Variants in CATSPERE observed in about 807,000 individuals in gnomAD.
CATSPERE encodes the protein cation channel sperm-associated auxiliary subunit epsilon.
Under a neutral mutation model 114.1 loss-of-function variants are expected in CATSPERE, and 93 were observed. The ratio of observed to expected loss-of-function variants is 0.81; its 90% CI spans 0.69 to 0.97. CATSPERE has a LOEUF of 0.97. Ranked by LOEUF, CATSPERE falls within the 50% of genes least tolerant of loss-of-function variation. CATSPERE has a pLI of 0.00. For synonymous variants in CATSPERE, 341 were observed against 384.1 expected, an observed-to-expected ratio of 0.89 and a Z score of 1.31; for missense variants, 1,058 against 1,131.6, an observed-to-expected ratio of 0.93 and a Z score of 0.93.
In CATSPERE at chr1:244,552,749, C is replaced by T; in HGVS notation, c.964C>T (p.Leu322Phe). 6.2e-7 allele frequency: 1 copy of T among 1,612,078 alleles called. No individual in the cohort carries two copies. The highest frequency in any genetic ancestry group is 8.5e-7 in the Non-Finnish European group (1 of 1,179,292). ...TATAAGACTGGGAGGAATTGTAAAT[C>T]TTCCTGATGGTGGAATTACTGGCAT... ...GFIRLGGIVN[L>F]PDGGITGISS... The change falls in exon 9 of 22, where the codon CTT (leucine) becomes TTT (phenylalanine). Residue 322 changes from leucine (L) to phenylalanine (F), a missense_variant. Coordinates refer to ENST00000366534, the MANE Select transcript of CATSPERE (RefSeq NM_001130957.2).
intron 17 of CATSPERE, among the ~76,000 whole-genome samples, chr1:244,593,826 G>T (rs146471741): frequency 6.6e-6 from 1 of 152,264 alleles, no homozygotes; most frequent in Non-Finnish European, 1.5e-5. Context: ...TGTCAGGGAA[G>T]CCCTTGCTTT....
chr1:244,480,777 G>A (rs917189617), intron 5 of CATSPERE, among the ~76,000 whole-genome samples: 32 of 152,124 alleles, frequency 2.1e-4, no homozygotes, highest in African/African-American at 7.2e-4. Flanking sequence ...GCCCCACCAG[G>A]AGTACACATT....
chr1:244,596,839 G>A (rs1054971863), intron 17 of CATSPERE, among the ~76,000 whole-genome samples: 1 of 151,702 alleles, frequency 6.6e-6, no homozygotes. Context: ...TGATAGATGT[G>A]AGTGGTAAGG....
chr1:244,461,418 G>T lies in CATSPERE; in HGVS notation c.-12G>T, dbSNP rs1666745308. The T allele has an allele frequency of 6.6e-6, 9 of 1,361,886 alleles. No homozygotes were observed. Among genetic ancestry groups the T allele is most frequent in the South Asian group, 1.9e-5 (1 of 53,250 alleles). 84.4% of individuals were successfully genotyped at this position (1,361,886 alleles called of 1,614,324 possible). On this transcript the variant is annotated 5_prime_UTR_variant, in exon 1 of 22. Coordinates refer to ENST00000366534, the MANE Select transcript of CATSPERE (RefSeq NM_001130957.2). ...GTGGCCGAGGCGGTTGGGCGGAGGC[G>T]GAGCAGGCGCCATGTCAGCCCGGGA...
chr1:244,543,758 C>A (rs924130991), intron 8 of CATSPERE, among the ~76,000 whole-genome samples: 6 of 151,360 alleles, frequency 4.0e-5, no homozygotes, highest in African/African-American at 1.5e-4. Context: ...AATATATATC[C>A]TCTTGACAAG....
At chr1:244,499,300 T>G (rs1673625946) in intron 7 of CATSPERE, among the ~76,000 whole-genome samples, 1 of 152,222 alleles carries the variant, frequency 6.6e-6, no homozygotes, top group South Asian at 2.1e-4. Flanking sequence ...TTGAACATTC[T>G]TCATATTTTC....
intron 2 of CATSPERE, among the ~76,000 whole-genome samples, chr1:244,471,698 T>G (rs1668501013): frequency 6.6e-6 from 1 of 152,232 alleles, no homozygotes. Context: ...TCATCCATAA[T>G]GTTGCATATA....
At chr1:244,597,819 C>A (rs1668653307) in intron 17 of CATSPERE, among the ~76,000 whole-genome samples, 1 of 152,146 alleles carries the variant, frequency 6.6e-6, no homozygotes, top group South Asian at 2.1e-4. Flanking sequence ...TAAAAGGTGA[C>A]AAGTGTCATC....
chr1:244,510,812 C>CTTTT, intron 7 of CATSPERE, among the ~76,000 whole-genome samples: 1 of 84,284 alleles, frequency 1.2e-5, no homozygotes, highest in South Asian at 3.6e-4. Flanking sequence ...ACATTTCTTT[C>CTTTT]TTTTTTTTTT....
intron 17 of CATSPERE, among the ~76,000 whole-genome samples, chr1:244,604,234 C>G (rs1177430939): frequency 6.6e-6 from 1 of 152,218 alleles, no homozygotes; most frequent in Non-Finnish European, 1.5e-5. Context: ...GAAAAGAAGC[C>G]AAACACCAAT....
At chr1:244,527,376 T>G (rs1169671447) in intron 8 of CATSPERE, among the ~76,000 whole-genome samples, 1 of 152,204 alleles carries the variant, frequency 6.6e-6, no homozygotes, top group Non-Finnish European at 1.5e-5. Flanking sequence ...CCATTTGCTT[T>G]TGAAAGAAGA....
intron 8 of CATSPERE, among the ~76,000 whole-genome samples, chr1:244,528,600 T>C (rs1213252873): frequency 1.3e-5 from 2 of 152,148 alleles, no homozygotes; most frequent in Non-Finnish European, 2.9e-5. Flanking sequence ...TCAGGGTAAG[T>C]GGGGTATCCA....
At chr1:244,521,616 A>AT (rs1677586565) in intron 8 of CATSPERE, among the ~76,000 whole-genome samples, 1 of 152,220 alleles carries the variant, frequency 6.6e-6, no homozygotes. Context: ...CATATTGTAC[A>AT]TAAAAATAAT....
intron 20 of CATSPERE, among the ~76,000 whole-genome samples, chr1:244,621,061 A>T (rs1175759608): frequency 1.8e-5 from 1 of 57,102 alleles, no homozygotes; most frequent in Non-Finnish European, 3.2e-5. Flanking sequence ...AATATATATA[A>T]ATATATATAA....
chr1:244,620,601 T>C (rs1671963890), intron 20 of CATSPERE, among the ~76,000 whole-genome samples: 1 of 152,180 alleles, frequency 6.6e-6, no homozygotes. Flanking sequence ...CAATTCAGGC[T>C]AGAAACTAAA....
intron 8 of CATSPERE, among the ~76,000 whole-genome samples, chr1:244,534,578 T>C (rs1456882351): frequency 6.6e-6 from 1 of 152,044 alleles, no homozygotes; most frequent in African/African-American, 2.4e-5. Context: ...CTTCATTATG[T>C]CGATTGCATT....
chr1:244,636,043 A>C (rs1386872958), intron 21 of CATSPERE, among the ~76,000 whole-genome samples: 2 of 152,182 alleles, frequency 1.3e-5, no homozygotes, highest in Non-Finnish European at 2.9e-5. Flanking sequence ...TACTTGGCAG[A>C]TGCCAGAATG....
At chr1:244,622,587 A>G (rs1341625097) in intron 20 of CATSPERE, among the ~76,000 whole-genome samples, 2 of 151,984 alleles carry the variant, frequency 1.3e-5, no homozygotes, top group Admixed American at 6.6e-5. Flanking sequence ...TGTTTTTAGT[A>G]GAGACAGGGT....
At chr1:244,556,682 A>T in intron 9 of CATSPERE, among the ~76,000 whole-genome samples, 1 of 152,212 alleles carries the variant, frequency 6.6e-6, no homozygotes, top group East Asian at 1.9e-4. Flanking sequence ...TTCAGATATT[A>T]CATTAAGTTT....
Sources: gnomAD v4.1 joint callset for allele counts (sites outside exome capture counted in the v4.1 genomes callset) on GRCh38, gnomAD v4.1.1 for gene constraint, MANE v1.5 for transcripts, NCBI Gene and HGNC (gene_info 2026-07-23, HGNC 2026-07-21) for gene names.